GPRC5C: variants seen among roughly 807,000 people sequenced by gnomAD.
The protein encoded by GPRC5C is G protein-coupled receptor class C group 5 member C, also known as G protein-coupled receptor family C group 5 member C.
In GPRC5C, 22 loss-of-function variants were observed where a neutral mutation model predicts 31.4. The observed-to-expected ratio is 0.70, with a 90% CI of 0.50 to 1.00. The LOEUF is 1.00. GPRC5C is among the 50% of genes least tolerant of loss of function. The pLI is 0.00. For missense variants in GPRC5C, 557 were observed against 597.2 expected (o/e 0.93, Z 0.70); for synonymous variants, 249 against 257.5 (o/e 0.97, Z 0.32).
At chr17:74,432,493 G>C (rs2055368945) in intron 1 of GPRC5C, 16 of 1,028,812 alleles carry the variant, frequency 1.6e-5, no homozygotes, top group Non-Finnish European at 1.9e-5. Flanking sequence ...CCCAAACGCT[G>C]CGCTGGAGCG....
At chr17:74,433,620 A>G (rs1489132058) in intron 1 of GPRC5C, 3 of 1,081,382 alleles carry the variant, frequency 2.8e-6, no homozygotes, top group African/African-American at 3.1e-5. Context: ...GAAGGCTGTC[A>G]GTCGGGCCAT....
At chr17:74,448,852 C>T, downstream of GPRC5C, 1 of 1,289,594 alleles carries the variant, frequency 7.8e-7, no homozygotes, top group Non-Finnish European at 1.0e-6. Context: ...GAGGCCAGGC[C>T]AACACCAACC....
In GPRC5C at chr17:74,433,822, G is replaced by A. The variant is rs996731004; in HGVS notation, c.-33+1681G>A. The A allele has an allele frequency of 5.1e-6, 6 of 1,178,330 alleles. No homozygotes were observed. The African/African-American group carries it at 9.1e-5, about 18-fold the overall frequency. 73.0% of individuals were successfully genotyped at this position (1,178,330 alleles called of 1,614,324 possible). On this transcript the variant is annotated intron_variant, in intron 1 of 3. Coordinates refer to ENST00000392627, the MANE Select transcript of GPRC5C (RefSeq NM_022036.4). ...CTCTCTTTCCAGTGCGGTATCCTTG[G>A]CCCTGGTGGGTGGAGGGGGTCTCAG...
intron 1 of GPRC5C, among the ~76,000 whole-genome samples, chr17:74,438,897 G>A (rs531755284): frequency 3.3e-5 from 5 of 152,312 alleles, no homozygotes; most frequent in East Asian, 1.9e-4. Flanking sequence ...TTGGTAGAGC[G>A]GCAGTCAGTA....
intron 3 of GPRC5C, chr17:74,446,527 C>T: frequency 3.9e-6 from 1 of 258,236 alleles, no homozygotes; most frequent in Non-Finnish European, 7.4e-6. Context: ...CTCTGTGTGG[C>T]TGACTCTCCA....
At chr17:74,439,203 C>T (rs1958455792) in intron 1 of GPRC5C, among the ~76,000 whole-genome samples, 1 of 152,230 alleles carries the variant, frequency 6.6e-6, no homozygotes, top group South Asian at 2.1e-4. Context: ...ACTGTCTCTT[C>T]ATTTTTCCTG....
chr17:74,435,167 C>T (rs1320012958), intron 1 of GPRC5C, among the ~76,000 whole-genome samples: 7 of 152,064 alleles, frequency 4.6e-5, no homozygotes, highest in African/African-American at 7.2e-5. Context: ...TGCAGTGAGC[C>T]GAGATCACGC....
chr17:74,437,088 C>T (rs150910695), intron 1 of GPRC5C, among the ~76,000 whole-genome samples: 397 of 152,106 alleles, frequency 2.6e-3, no homozygotes, highest in Non-Finnish European at 4.7e-3. Context: ...GGATTACAGG[C>T]GCACGCCACC....
intron 1 of GPRC5C, among the ~76,000 whole-genome samples, chr17:74,437,939 C>T (rs560250835): frequency 1.4e-4 from 21 of 152,106 alleles, no homozygotes; most frequent in Admixed American, 2.6e-4. Flanking sequence ...TATTTGAACA[C>T]GTGGGGTGAC....
In GPRC5C at chr17:74,440,002, C is replaced by A. The variant is rs146782902; in HGVS notation, c.226C>A (p.Pro76Thr). The change falls in exon 2 of 4, where the codon CCC becomes ACC. Residue 76 changes from proline to threonine, a missense_variant. Pro to Thr is a conservative substitution (Grantham distance 38, BLOSUM62 -1). Coordinates refer to ENST00000392627, the MANE Select transcript of GPRC5C (RefSeq NM_022036.4). This position sits in a 1 kb window ranked among gnomAD's most constrained non-coding sequence, Gnocchi z 4.4. ...CACCATCATCCTGGTGGCCAGCCTC[C>A]CCTTTGTGCAGGACACCAAGAAACG... is the stretch of plus-strand genomic sequence containing the variant. ...VLTIILVASLPFVQDTKKRSL... is the reference protein window; with the variant it reads ...VLTIILVASLTFVQDTKKRSL... 169 of 1,609,836 alleles carry A rather than the reference C, an allele frequency of 1.0e-4. No homozygotes were observed. The highest frequency in any genetic ancestry group is 1.4e-4 in the Non-Finnish European group (163 of 1,180,018).
chr17:74,437,629 A>ATTTTTTTTTTTTTTTTTTTT (rs57390968), intron 1 of GPRC5C, among the ~76,000 whole-genome samples: 67 of 129,828 alleles, frequency 5.2e-4, no homozygotes, highest in African/African-American at 1.4e-3. Flanking sequence ...TATGGACAGA[A>ATTTTTTTTTTTTTTTTTTTT]TTTTTTTTTT....
In GPRC5C at chr17:74,443,479, T is replaced by C. The variant is rs147320542; in HGVS notation, c.1052-339T>C. The C allele has an allele frequency of 9.8e-4, 445 of 452,918 alleles. 3 individuals are homozygous for C. Among genetic ancestry groups the C allele is most frequent in the African/African-American group, 8.4e-3 (421 of 50,410 alleles). 28.1% of individuals were successfully genotyped at this position (452,918 alleles called of 1,614,324 possible). On this transcript the variant is annotated intron_variant, in intron 2 of 3. Coordinates refer to ENST00000392627, the MANE Select transcript of GPRC5C (RefSeq NM_022036.4). ...GCGGCCGAAGGCCCATGTGTCCTCTTGGCCTCTGGCCCCGGAGGGCGGATG... is the reference window on the plus strand; with the variant it reads ...GCGGCCGAAGGCCCATGTGTCCTCTCGGCCTCTGGCCCCGGAGGGCGGATG...
At chr17:74,442,150 G>A (rs1385873600) in intron 2 of GPRC5C, among the ~76,000 whole-genome samples, 1 of 152,010 alleles carries the variant, frequency 6.6e-6, no homozygotes, top group African/African-American at 2.4e-5. Context: ...TTACAGGCAC[G>A]TGCCACCACA....
At chr17:74,432,307 A>C (rs1308795489) in intron 1 of GPRC5C, 166 bp downstream of exon 1, 4 of 1,450,386 alleles carry the variant, frequency 2.8e-6, no homozygotes, top group Admixed American at 5.1e-5. Flanking sequence ...GCCTGGGGAC[A>C]GGCCCGCGCG....
At chr17:74,444,356 G>A (rs2055592872) in intron 3 of GPRC5C, among the ~76,000 whole-genome samples, 1 of 152,274 alleles carries the variant, frequency 6.6e-6, no homozygotes, top group South Asian at 2.1e-4. Context: ...TGCCAAGGGG[G>A]CCCACACTCT....
rs779379779 is a variant in GPRC5C, at chr17:74,439,770, A to G, written c.-7A>G. ...GGACCCAACCAGAGCCTGGCCTGGG[A>G]GCCAGGATGGCCATCCACAAAGCCT... On this transcript the variant is annotated 5_prime_UTR_variant, in exon 2 of 4. Coordinates refer to ENST00000392627, the MANE Select transcript of GPRC5C (RefSeq NM_022036.4). The G allele has an allele frequency of 6.2e-7, 1 of 1,608,956 alleles. No homozygotes were observed.
rs374862812 is a variant in GPRC5C at position 74,440,586 on chromosome 17, C to T, written c.810C>T (p.His270=). The T allele has an allele frequency of 2.7e-4, 432 of 1,614,010 alleles. No individual in the cohort carries two copies. The highest frequency in any genetic ancestry group is 3.5e-4 in the Non-Finnish European group (411 of 1,179,962). ...TGTATACTTACGGCAACAAGCAGCA[C>T]AACAGTCCCACCTGGGATGACCCCA... ...IVMYTYGNKQ[H]NSPTWDDPTL... The change falls in exon 2 of 4, where the codon CAC becomes CAT. Residue 270 remains histidine, a synonymous_variant. Transcript: ENST00000392627. The surrounding 1 kb of genome is among the most constrained non-coding windows in gnomAD (Gnocchi z 4.4).
chr17:74,434,498 G>A (rs2055402678), intron 1 of GPRC5C, among the ~76,000 whole-genome samples: 1 of 152,212 alleles, frequency 6.6e-6, no homozygotes, highest in Admixed American at 6.5e-5. Flanking sequence ...TGAACGTTCA[G>A]GGATCAGAAG....
At position 74,440,788 on chromosome 17, in the gene GPRC5C, G is replaced by A. The variant is rs776030935; in HGVS notation, c.1012G>A (p.Val338Met). 1.3e-5 allele frequency: 20 copies of A among 1,536,162 alleles called. No individual in the cohort carries two copies. Among genetic ancestry groups the A allele is most frequent in the Non-Finnish European group, 1.6e-5 (18 of 1,135,312 alleles). ...LKEQKGQSMF[V>M]ENKAFSMDEP... ...AGAGCAGAAGGGTCAGAGCATGTTC[G>A]TGGAGAACAAGGCCTTTTCCATGGA... The change falls in exon 2 of 4, where the codon GTG becomes ATG. Residue 338 changes from valine (V) to methionine (M), a missense_variant. Val to Met is a conservative substitution (Grantham distance 21, BLOSUM62 1). Coordinates refer to ENST00000392627, the MANE Select transcript of GPRC5C (RefSeq NM_022036.4). This position sits in a 1 kb window ranked among gnomAD's most constrained non-coding sequence, Gnocchi z 4.4.
Sources: allele counts gnomAD v4.1 joint callset (sites outside exome capture counted in the v4.1 genomes callset), GRCh38; gene constraint gnomAD v4.1.1; non-coding constraint Gnocchi (gnomAD v3.1); transcripts MANE v1.5; gene names NCBI Gene and HGNC (gene_info 2026-07-23, HGNC 2026-07-21).